DNAH14: variants seen among roughly 807,000 people sequenced by gnomAD.
DNAH14 encodes dynein axonemal heavy chain 14, also known as axonemal beta dynein heavy chain 14.
A neutral mutation model predicts 520.9 loss-of-function variants in DNAH14; 478 were observed. That is an observed-to-expected ratio of 0.92 (90% CI 0.85 to 0.99). The LOEUF (loss-of-function observed/expected upper bound fraction) is 0.99, where lower values mean the gene tolerates loss of function less well. Among genes scored for constraint, DNAH14 ranks in the 50% least tolerant of loss-of-function variants. The pLI is 0.00. For missense variants in DNAH14, 4,831 were observed against 5,234.5 expected (o/e 0.92, Z 2.38); for synonymous variants, 1,581 against 1,757.2 (o/e 0.90, Z 2.51).
chr1:225,248,439 C>T (rs1360295783), intron 43 of DNAH14, among the ~76,000 whole-genome samples: 2 of 151,982 alleles, frequency 1.3e-5, no homozygotes, highest in Admixed American at 6.6e-5. Context: ...GTGCTAAGGT[C>T]TTTGTTGTGT....
intron 54 of DNAH14, among the ~76,000 whole-genome samples, chr1:225,288,029 C>T (rs1161370889): frequency 2.0e-5 from 3 of 152,060 alleles, no homozygotes; most frequent in African/African-American, 7.2e-5. Context: ...CAGAAGATAT[C>T]CACATAATGT....
chr1:224,989,373 C>T (rs561275472), intron 8 of DNAH14, among the ~76,000 whole-genome samples: 81 of 152,240 alleles, frequency 5.3e-4, no homozygotes, highest in African/African-American at 1.8e-3. Context: ...TTCATGCATT[C>T]ATTGCTAGTA....
chr1:224,954,983 A>T lies in DNAH14; in HGVS notation c.102A>T (p.Lys34Asn), dbSNP rs1207713936. ...KPRLLRYEEK[K>N]YEDVKPLETQ... is the part of the protein sequence containing the mutation. ...GACTTTTAAGATATGAAGAGAAAAA[A>T]TATGAAGATGTGAAACCATTAGAGA... The change falls in exon 3 of 86, where the codon AAA (lysine) becomes AAT (asparagine). Residue 34 changes from lysine to asparagine, a missense_variant. Coordinates refer to ENST00000682510, the MANE Select transcript of DNAH14 (RefSeq NM_001367479.1). 1.3e-6 allele frequency: 2 copies of T among 1,599,182 alleles called. No homozygotes were observed. The highest frequency in any genetic ancestry group is 1.7e-6 in the Non-Finnish European group (2 of 1,171,594).
chr1:225,318,123 T>C (rs944620584), intron 60 of DNAH14, among the ~76,000 whole-genome samples: 1 of 152,238 alleles, frequency 6.6e-6, no homozygotes, highest in Non-Finnish European at 1.5e-5. Context: ...TCATTCCTAA[T>C]TGATTGCAGT....
At chr1:225,240,092 GA>G (rs1426463400) in intron 42 of DNAH14, among the ~76,000 whole-genome samples, 1 of 152,024 alleles carries the variant, frequency 6.6e-6, no homozygotes, top group Non-Finnish European at 1.5e-5. Flanking sequence ...ACTTGGTTGA[GA>G]CAAATACAGG....
chr1:224,938,709 GA>G (rs1383490108), intron 1 of DNAH14, among the ~76,000 whole-genome samples: 1 of 152,140 alleles, frequency 6.6e-6, no homozygotes, highest in Non-Finnish European at 1.5e-5. Context: ...CAAAAGACAG[GA>G]AATTAGTATA....
chr1:225,213,017 T>C (rs1239517453), intron 41 of DNAH14, among the ~76,000 whole-genome samples: 1 of 152,234 alleles, frequency 6.6e-6, no homozygotes, highest in Non-Finnish European at 1.5e-5. Context: ...GCCTAGATTT[T>C]CTTCTAGAGT....
At chr1:225,376,278 T>C (rs2095699649) in intron 78 of DNAH14, among the ~76,000 whole-genome samples, 1 of 151,976 alleles carries the variant, frequency 6.6e-6, no homozygotes, top group South Asian at 2.1e-4. Flanking sequence ...AATACAAAAA[T>C]TAGCCAGCCA....
chr1:225,017,204 C>T (rs2065281044), intron 10 of DNAH14, among the ~76,000 whole-genome samples: 1 of 152,032 alleles, frequency 6.6e-6, no homozygotes, highest in South Asian at 2.1e-4. Context: ...TGTTTGATTT[C>T]CAAAACTTAA....
chr1:225,198,564 G>T (rs1484020585), intron 38 of DNAH14, among the ~76,000 whole-genome samples: 1 of 152,082 alleles, frequency 6.6e-6, no homozygotes, highest in Non-Finnish European at 1.5e-5. Flanking sequence ...AGCAATGCTG[G>T]ATTTTGTTTA....
At chr1:225,165,322 A>G (rs2081939401) in intron 35 of DNAH14, among the ~76,000 whole-genome samples, 1 of 152,068 alleles carries the variant, frequency 6.6e-6, no homozygotes, top group Admixed American at 6.6e-5. Flanking sequence ...ATATCACTAT[A>G]AATTCTCTAG....
chr1:224,988,549 A>AGAT (rs1285713672), intron 8 of DNAH14, among the ~76,000 whole-genome samples: 1 of 152,266 alleles, frequency 6.6e-6, no homozygotes, highest in Non-Finnish European at 1.5e-5. Flanking sequence ...CCATTGTGGA[A>AGAT]GATGGTGTGG....
At chr1:225,305,317 G>A (rs1450592302) in intron 58 of DNAH14, among the ~76,000 whole-genome samples, 1 of 152,124 alleles carries the variant, frequency 6.6e-6, no homozygotes, top group East Asian at 1.9e-4. Flanking sequence ...TAAACAATTA[G>A]TCCCTGTTGG....
chr1:225,271,950 A>C lies in DNAH14; in HGVS notation c.7716A>C (p.Glu2572Asp). The change falls in exon 51 of 86, where the codon GAA becomes GAC. Residue 2572 changes from glutamate (E) to aspartate (D), a missense_variant. Physicochemically the swap from Glu to Asp is conservative, Grantham distance 45. Transcript: ENST00000682510. Reference protein sequence around the residue: ...IYFSINNFTPEVQKSKDQIIS... With the variant: ...IYFSINNFTPDVQKSKDQIIS... The stretch of plus-strand genomic sequence containing the variant: ...TCTCCATCAATAACTTCACACCTGA[A>C]GTTCAGAAAAGTAAGGATCAGATAA... The C allele has an allele frequency of 6.5e-7, 1 of 1,550,174 alleles. No homozygotes were observed. Among genetic ancestry groups the C allele is most frequent in the Non-Finnish European group, 8.7e-7 (1 of 1,146,550 alleles).
At chr1:224,975,156 A>G (rs1319628080) in intron 8 of DNAH14, among the ~76,000 whole-genome samples, 2 of 151,572 alleles carry the variant, frequency 1.3e-5, no homozygotes, top group Admixed American at 6.6e-5. Context: ...TTTTGCATCA[A>G]TGTTCATCAA....
rs545533008 is a variant in DNAH14 at position 225,146,845 on chromosome 1, C to G, written c.4795-259C>G. Among the ~76,000 whole-genome samples the G allele has an allele frequency of 7.2e-5, 11 of 152,204 alleles. 1 individual carries two copies. The South Asian group carries it at 2.3e-3, about 32-fold the overall frequency. ...CTGTGCAATCCGTCAGAAGCTGTGG[C>G]CCTGTCTTCACGGTCCCTGTGAGCA... is the stretch of plus-strand genomic sequence containing the variant. On this transcript the variant is annotated intron_variant, in intron 30 of 85. Coordinates refer to ENST00000682510, the MANE Select transcript of DNAH14 (RefSeq NM_001367479.1).
chr1:225,001,466 T>C (rs2063766576), intron 8 of DNAH14, among the ~76,000 whole-genome samples: 1 of 152,188 alleles, frequency 6.6e-6, no homozygotes, highest in African/African-American at 2.4e-5. Flanking sequence ...TGTAATAAAA[T>C]AGAAATTTGT....
At chr1:225,190,283 T>A (rs1008851054) in intron 37 of DNAH14, among the ~76,000 whole-genome samples, 8 of 152,166 alleles carry the variant, frequency 5.3e-5, no homozygotes, top group African/African-American at 1.9e-4. Context: ...GTGATCTCTA[T>A]CTCTCAAAAT....
intron 69 of DNAH14, among the ~76,000 whole-genome samples, chr1:225,343,187 G>A (rs1022067002): frequency 5.9e-5 from 9 of 152,132 alleles, no homozygotes; most frequent in African/African-American, 2.2e-4. Context: ...GAGACCTGTG[G>A]CCAAAACAAG....
Sources: gnomAD v4.1 joint callset for allele counts (sites outside exome capture counted in the v4.1 genomes callset) on GRCh38, gnomAD v4.1.1 for gene constraint, MANE v1.5 for transcripts, NCBI Gene and HGNC (gene_info 2026-07-23, HGNC 2026-07-21) for gene names.